The following RBMS3 variants were observed in gnomAD, a reference collection of about 807,000 sequenced individuals.
RBMS3 encodes RNA-binding motif, single-stranded-interacting protein 3.
Under a neutral mutation model 66.8 loss-of-function variants are expected in RBMS3, and 27 were observed. The observed-to-expected ratio is 0.40, with a 90% CI of 0.30 to 0.56. The LOEUF is 0.56. Ranked by LOEUF, RBMS3 falls within the 20% of genes least tolerant of loss-of-function variation. The pLI, the probability that RBMS3 is intolerant of heterozygous loss-of-function variation, is 0.40. For synonymous variants in RBMS3, 188 were observed against 183.0 expected, an observed-to-expected ratio of 1.03 and a Z score of -0.22; for missense variants, 513 against 549.5, an observed-to-expected ratio of 0.93 and a Z score of 0.66.
intron 4 of RBMS3, among the ~76,000 whole-genome samples, chr3:29,639,912 G>A (rs2049630402): frequency 6.6e-6 from 1 of 151,850 alleles, no homozygotes; most frequent in African/African-American, 2.4e-5. Context: ...GAGGTATTCA[G>A]ATGACGGGGA....
intron 2 of RBMS3, among the ~76,000 whole-genome samples, chr3:29,474,198 T>A (rs2042867001): frequency 6.6e-6 from 1 of 152,286 alleles, no homozygotes; most frequent in Non-Finnish European, 1.5e-5. Context: ...CACTTTTGTT[T>A]ATCTGGTGTC....
chr3:29,585,059 C>T (rs2047465183), intron 3 of RBMS3, among the ~76,000 whole-genome samples: 2 of 152,068 alleles, frequency 1.3e-5, no homozygotes, highest in South Asian at 4.1e-4. Flanking sequence ...ATCCATCTCC[C>T]AACTCAACTA....
chr3:29,599,693 G>A lies in RBMS3; in HGVS notation c.399+12488G>A, dbSNP rs181455212. ...GTACAAACATTCATGTAGCAGGGAGGCTTGGTTAACTAAAAAGGAACAAAA... is the reference window on the plus strand; with the variant it reads ...GTACAAACATTCATGTAGCAGGGAGACTTGGTTAACTAAAAAGGAACAAAA... On this transcript the variant is annotated intron_variant, in intron 4 of 14. Transcript: ENST00000383767. 2.7e-3 allele frequency among the ~76,000 whole-genome samples: 415 copies of A among 152,150 alleles called. 1 individual carries two copies. The highest frequency in any genetic ancestry group is 4.1e-3 in the Non-Finnish European group (276 of 67,994).
intron 4 of RBMS3, among the ~76,000 whole-genome samples, chr3:29,704,056 C>T (rs867284290): frequency 9.8e-5 from 15 of 152,302 alleles, no homozygotes; most frequent in Admixed American, 7.2e-4. Context: ...TCATCAACCC[C>T]AGATTGGACT....
intron 1 of RBMS3, among the ~76,000 whole-genome samples, chr3:29,430,313 A>G (rs568304488): frequency 6.9e-4 from 105 of 152,192 alleles, no homozygotes; most frequent in South Asian, 1.2e-3. Context: ...GACCGCTTTC[A>G]GCAGAATTTC....
At chr3:29,659,004 C>T (rs929379658) in intron 4 of RBMS3, among the ~76,000 whole-genome samples, 3 of 151,754 alleles carry the variant, frequency 2.0e-5, no homozygotes, top group Admixed American at 6.6e-5. Context: ...TTTTTAGTAG[C>T]GATGGGGTTT....
At chr3:29,928,114 C>G (rs1383252413) in intron 10 of RBMS3, among the ~76,000 whole-genome samples, 1 of 150,206 alleles carries the variant, frequency 6.7e-6, no homozygotes, top group Non-Finnish European at 1.5e-5. Context: ...TCATTTAACA[C>G]TGTTTCCCTT....
chr3:29,952,533 A>T (rs1402854454), intron 12 of RBMS3, among the ~76,000 whole-genome samples: 1 of 151,886 alleles, frequency 6.6e-6, no homozygotes, highest in South Asian at 2.1e-4. Flanking sequence ...ACTTTTAATT[A>T]CATATTATGT....
Position 29,524,582 on chromosome 3 carries a change from T to C in RBMS3, c.307+36083T>C, listed in dbSNP as rs558181850. Among the ~76,000 whole-genome samples the C allele has an allele frequency of 2.6e-5, 4 of 151,838 alleles. No homozygotes were observed. In the East Asian group the frequency reaches 5.9e-4, roughly 22 times the overall value. Reference sequence around the variant, plus strand: ...AGCTGGGATTACAGGTGCGAACCACTGCGCCCAGCCAACTTTTGCATTTTA... The same window carrying C: ...AGCTGGGATTACAGGTGCGAACCACCGCGCCCAGCCAACTTTTGCATTTTA... On this transcript the variant is annotated intron_variant, in intron 3 of 14. Transcript: ENST00000383767.
intron 6 of RBMS3, among the ~76,000 whole-genome samples, chr3:29,816,291 GACACACACAGACACACACAGACAC>G (rs1559701414): frequency 7.6e-6 from 1 of 131,174 alleles, no homozygotes; most frequent in Non-Finnish European, 1.6e-5. Flanking sequence ...CGCACACACA[GACACACACAGACACACACAGACAC>G]ACACACACAC....
At chr3:29,985,569 C>T (rs188537613) in intron 12 of RBMS3, among the ~76,000 whole-genome samples, 48 of 152,264 alleles carry the variant, frequency 3.2e-4, no homozygotes, top group Admixed American at 2.7e-3. Context: ...CCTTACCGCA[C>T]AGTCCCTCAC....
chr3:29,607,828 A>G (rs2048363101), intron 4 of RBMS3, among the ~76,000 whole-genome samples: 1 of 151,990 alleles, frequency 6.6e-6, no homozygotes, highest in South Asian at 2.1e-4. Context: ...CACTATCTTG[A>G]TCATAAATTT....
intron 2 of RBMS3, among the ~76,000 whole-genome samples, chr3:29,484,350 C>T (rs2043245154): frequency 2.6e-5 from 4 of 152,252 alleles, no homozygotes; most frequent in East Asian, 3.9e-4. Context: ...GTATTGGCAC[C>T]ATTGCTGCTT....
At chr3:29,813,923 C>A (rs2057798376) in intron 6 of RBMS3, among the ~76,000 whole-genome samples, 1 of 152,114 alleles carries the variant, frequency 6.6e-6, no homozygotes, top group South Asian at 2.1e-4. Context: ...ATGTCGTCTG[C>A]AAACAGGGAC....
chr3:29,932,711 A>G (rs993037307), intron 10 of RBMS3, among the ~76,000 whole-genome samples: 5 of 152,194 alleles, frequency 3.3e-5, no homozygotes, highest in Non-Finnish European at 7.4e-5. Flanking sequence ...TCAGTTGGGA[A>G]ATTAAAATAT....
intron 1 of RBMS3, among the ~76,000 whole-genome samples, chr3:29,321,297 G>A (rs1231512130): frequency 1.3e-5 from 2 of 151,944 alleles, no homozygotes; most frequent in Non-Finnish European, 2.9e-5. Flanking sequence ...TTATTACCTG[G>A]TGAAAAATAA....
chr3:29,631,942 C>T (rs1173235253), intron 4 of RBMS3, among the ~76,000 whole-genome samples: 3 of 152,018 alleles, frequency 2.0e-5, no homozygotes, highest in East Asian at 1.9e-4. Flanking sequence ...GAGGAACAAG[C>T]GACACATACA....
At chr3:29,858,739 G>A (rs1012521305) in intron 6 of RBMS3, among the ~76,000 whole-genome samples, 1 of 152,114 alleles carries the variant, frequency 6.6e-6, no homozygotes. Flanking sequence ...TCCCCTTATG[G>A]GGCATGGTTG....
intron 12 of RBMS3, among the ~76,000 whole-genome samples, chr3:29,953,138 T>G (rs985664617): frequency 2.0e-5 from 3 of 151,848 alleles, no homozygotes; most frequent in African/African-American, 7.2e-5. Flanking sequence ...GCAATATGAC[T>G]TTGGGAAGGG....
Sources: gnomAD v4.1 joint callset for allele counts (sites outside exome capture counted in the v4.1 genomes callset) on GRCh38, gnomAD v4.1.1 for gene constraint, MANE v1.5 for transcripts, NCBI Gene and HGNC (gene_info 2026-07-23, HGNC 2026-07-21) for gene names.